The following OR9Q1 variants were observed in gnomAD, a reference collection of about 807,000 sequenced individuals.
The protein encoded by OR9Q1 is olfactory receptor 9Q1.
For missense variants in OR9Q1, 374 were observed against 378.8 expected (o/e 0.99, Z 0.11); for synonymous variants, 153 against 148.6 (o/e 1.03, Z -0.22).
chr11:58,053,112 G>T (rs1423865793), intron 1 of OR9Q1, among the ~76,000 whole-genome samples: 19 of 151,404 alleles, frequency 1.3e-4, no homozygotes, highest in African/African-American at 3.9e-4. Context: ...TATACCCAAA[G>T]GACTATAAAT....
chr11:58,155,317 T>C (rs767081657), intron 2 of OR9Q1, among the ~76,000 whole-genome samples: 1 of 151,974 alleles, frequency 6.6e-6, no homozygotes, highest in Non-Finnish European at 1.5e-5. Flanking sequence ...ATGTTAATCA[T>C]AGCAGAAAAA....
intron 2 of OR9Q1, among the ~76,000 whole-genome samples, chr11:58,151,556 A>C (rs1314126169): frequency 6.6e-6 from 1 of 152,200 alleles, no homozygotes; most frequent in East Asian, 1.9e-4. Context: ...CAAACAACAT[A>C]AAGTAAAACT....
At chr11:58,128,680 G>C (rs916969661) in intron 2 of OR9Q1, among the ~76,000 whole-genome samples, 5 of 151,968 alleles carry the variant, frequency 3.3e-5, no homozygotes, top group African/African-American at 1.2e-4. Context: ...CAAGATGAAT[G>C]GATAAAGAAA....
intron 2 of OR9Q1, among the ~76,000 whole-genome samples, chr11:58,068,860 AAGGGAGCACCAGGG>A (rs1309103171): frequency 1.3e-5 from 2 of 152,078 alleles, no homozygotes; most frequent in Admixed American, 6.6e-5. Flanking sequence ...GGTTGGCCTG[AAGGGAGCACCAGGG>A]AGCGGGAAAA....
At chr11:58,030,695 G>A (rs1853022898) in intron 1 of OR9Q1, among the ~76,000 whole-genome samples, 1 of 152,158 alleles carries the variant, frequency 6.6e-6, no homozygotes, top group South Asian at 2.1e-4. Flanking sequence ...CTCAAGACTG[G>A]TTGAGCTTCC....
chr11:58,151,608 C>T (rs1854352474), intron 2 of OR9Q1, among the ~76,000 whole-genome samples: 1 of 152,088 alleles, frequency 6.6e-6, no homozygotes, highest in Non-Finnish European at 1.5e-5. Flanking sequence ...TGTTAGAGTG[C>T]AAGCGTTGGA....
intron 2 of OR9Q1, among the ~76,000 whole-genome samples, chr11:58,130,804 C>T (rs78738687): frequency 4.6e-5 from 6 of 129,198 alleles, no homozygotes; most frequent in African/African-American, 1.7e-4. Flanking sequence ...AAGACTGTCT[C>T]AAAAAAAAAA....
At chr11:58,031,199 A>G in intron 1 of OR9Q1, 1 of 1,614,168 alleles carries the variant, frequency 6.2e-7, no homozygotes, top group Non-Finnish European at 8.5e-7. Context: ...AGTGCCCAAG[A>G]TGCTGGCTGG....
At chr11:58,112,965 C>T (rs61902763) in intron 2 of OR9Q1, among the ~76,000 whole-genome samples, 32,535 of 151,942 alleles carry the variant, frequency 0.21, 3,982 homozygotes, top group Middle Eastern at 0.38. Context: ...CTCAGAGACC[C>T]AGGACTTATG....
intron 2 of OR9Q1, among the ~76,000 whole-genome samples, chr11:58,068,182 CA>C (rs3035014): frequency 0.21 from 30,892 of 145,538 alleles, 4,221 homozygotes; most frequent in East Asian, 0.57. Flanking sequence ...TACAAAAATA[CA>C]AAAAAAAAAA....
intron 1 of OR9Q1, among the ~76,000 whole-genome samples, chr11:58,029,876 C>A (rs1234828950): frequency 7.0e-6 from 1 of 143,450 alleles, no homozygotes; most frequent in East Asian, 2.2e-4. Flanking sequence ...AAGTCTTGCT[C>A]TGTTGCCCAG....
At chr11:58,076,938 C>A (rs1853543646) in intron 2 of OR9Q1, among the ~76,000 whole-genome samples, 1 of 152,182 alleles carries the variant, frequency 6.6e-6, no homozygotes, top group African/African-American at 2.4e-5. Flanking sequence ...TAATTGAAAT[C>A]TTCCCCTTTT....
At chr11:58,172,556 G>A (rs1157521199) in intron 2 of OR9Q1, among the ~76,000 whole-genome samples, 1 of 152,076 alleles carries the variant, frequency 6.6e-6, no homozygotes, top group African/African-American at 2.4e-5. Context: ...TTGTAGATGA[G>A]GAAGTCAAAA....
At chr11:58,142,065 C>A (rs1854255408) in intron 2 of OR9Q1, among the ~76,000 whole-genome samples, 1 of 152,098 alleles carries the variant, frequency 6.6e-6, no homozygotes, top group African/African-American at 2.4e-5. Flanking sequence ...TGTACAGTTA[C>A]CTGATTCCCA....
intron 2 of OR9Q1, chr11:58,118,780 A>T: frequency 6.2e-7 from 1 of 1,614,106 alleles, no homozygotes; most frequent in Non-Finnish European, 8.5e-7. Context: ...AATGGTCTTG[A>T]TGATGAGCAG....
chr11:58,097,075 T>C, intron 2 of OR9Q1, among the ~76,000 whole-genome samples: 1 of 152,168 alleles, frequency 6.6e-6, no homozygotes, highest in Non-Finnish European at 1.5e-5. Flanking sequence ...ACTCCCATCT[T>C]TAAACGATCC....
rs578204251 is a variant in OR9Q1 at position 58,088,836 on chromosome 11, C to T, written c.-15+32889C>T. On this transcript the variant is annotated intron_variant, in intron 2 of 2. Transcript: ENST00000335397. ...GAAGCTCTTTAGTTTAATTAAATCC[C>T]ATTTGTCAATTTGTCAATTTTGGCT... Among the ~76,000 whole-genome samples the T allele has an allele frequency of 3.2e-4, 49 of 151,706 alleles. 2 individuals are homozygous for T. Among genetic ancestry groups the T allele is most frequent in the African/African-American group, 1.0e-3 (41 of 41,172 alleles).
rs1854655325 is a variant in OR9Q1 at position 58,180,529 on chromosome 11, A to C, written c.*152A>C. 2.1e-6 allele frequency: 1 copy of C among 481,082 alleles called. No individual in the cohort carries two copies. The highest frequency in any genetic ancestry group is 3.7e-5 in the Admixed American group (1 of 26,894). The allele number at this position is 481,082 out of a possible 1,614,324, so 29.8% of individuals were successfully genotyped here. On this transcript the variant is annotated 3_prime_UTR_variant, in exon 3 of 3. Transcript: ENST00000335397. ...CAGAACTTTTAGCTCCAGGGAGAGGAAGGAAGACAAGGAAAAGTCAACCTG... is the reference window on the plus strand; with the variant it reads ...CAGAACTTTTAGCTCCAGGGAGAGGCAGGAAGACAAGGAAAAGTCAACCTG...
intron 2 of OR9Q1, among the ~76,000 whole-genome samples, chr11:58,145,782 T>C (rs562713098): frequency 2.0e-5 from 3 of 152,152 alleles, no homozygotes; most frequent in Non-Finnish European, 4.4e-5. Context: ...GCTATTCGGA[T>C]TTTTTTCTAT....
Sources: allele counts gnomAD v4.1 joint callset (sites outside exome capture counted in the v4.1 genomes callset), GRCh38; gene constraint gnomAD v4.1.1; transcripts MANE v1.5; gene names NCBI Gene and HGNC (gene_info 2026-07-23, HGNC 2026-07-21).